TMEM181: variants seen among roughly 807,000 people sequenced by gnomAD.
TMEM181 encodes transmembrane protein 181.
Under a neutral mutation model 71.9 loss-of-function variants are expected in TMEM181, and 39 were observed. The ratio of observed to expected loss-of-function variants is 0.54; its 90% CI spans 0.42 to 0.71. The LOEUF (loss-of-function observed/expected upper bound fraction) is 0.71, where lower values mean the gene tolerates loss of function less well. TMEM181 is among the 30% of genes least tolerant of loss of function. The pLI is 0.00. For synonymous variants in TMEM181, 245 were observed against 228.8 expected, an observed-to-expected ratio of 1.07 and a Z score of -0.64; for missense variants, 595 against 583.0, an observed-to-expected ratio of 1.02 and a Z score of -0.21.
chr6:158,589,583 C>G, intron 5 of TMEM181, 89 bp from the exon 6 acceptor site: 1 of 945,996 alleles, frequency 1.1e-6, no homozygotes, highest in South Asian at 1.4e-5. Context: ...TTCTGCCCAT[C>G]TGCTGTTGAA....
At chr6:158,619,349 C>T (rs933017817) in intron 10 of TMEM181, among the ~76,000 whole-genome samples, 1 of 152,120 alleles carries the variant, frequency 6.6e-6, no homozygotes, top group Non-Finnish European at 1.5e-5. Context: ...TCCATCAGGT[C>T]GTTTAAGGTC....
chr6:158,543,948 G>A (rs142828645), intron 1 of TMEM181, among the ~76,000 whole-genome samples: 2 of 152,308 alleles, frequency 1.3e-5, no homozygotes, highest in East Asian at 3.9e-4. Flanking sequence ...TGATGAACAA[G>A]AGTCAGGAGG....
At chr6:158,541,711 G>A (rs1323082331) in intron 1 of TMEM181, among the ~76,000 whole-genome samples, 1 of 152,052 alleles carries the variant, frequency 6.6e-6, no homozygotes, top group South Asian at 2.1e-4. Flanking sequence ...TTTATTTAAG[G>A]CCAACGTTAT....
rs539342796 is a variant in TMEM181 at position 158,620,907 on chromosome 6, A to T, written c.897-2643A>T. On this transcript the variant is annotated intron_variant, in intron 10 of 16. Transcript: ENST00000684151. The surrounding 1 kb of genome is among the most constrained non-coding windows in gnomAD (Gnocchi z 4.5). ...AGGTTTATTTTGGACAATAAACCTG[A>T]GAGGGCCTTCTGGCCAAGTTAGGTC... Among the ~76,000 whole-genome samples the T allele has an allele frequency of 6.6e-6, 1 of 152,334 alleles. No individual in the cohort carries two copies. The highest frequency in any genetic ancestry group is 1.9e-4 in the East Asian group (1 of 5,178).
At position 158,627,591 on chromosome 6, in the gene TMEM181, C is replaced by T. The variant is rs1347516880; in HGVS notation, c.1110-817C>T. ...AGCCCTGAAAGCTGTGGGGTGGCTG[C>T]CCCAGGCCGCAGAACAGGGCACCGG... On this transcript the variant is annotated intron_variant, in intron 13 of 16. Coordinates refer to ENST00000684151, the MANE Select transcript of TMEM181 (RefSeq NM_001376852.1). Among the ~76,000 whole-genome samples, 11 of 145,248 alleles carry T rather than the reference C, an allele frequency of 7.6e-5. No homozygotes were observed. In the East Asian group the frequency reaches 2.7e-3, roughly 35 times the overall value.
intron 6 of TMEM181, among the ~76,000 whole-genome samples, chr6:158,598,935 A>G (rs1408005112): frequency 3.3e-5 from 5 of 152,168 alleles, no homozygotes; most frequent in African/African-American, 1.2e-4. Context: ...TGCTGGGATT[A>G]CAGGCGTGAG....
At chr6:158,570,802 T>C (rs75807734) in intron 1 of TMEM181, among the ~76,000 whole-genome samples, 4,546 of 152,238 alleles carry the variant, frequency 0.03, 228 homozygotes, top group African/African-American at 0.1. Context: ...AAGGCTTTAT[T>C]TGCATTTCCC....
intron 4 of TMEM181, among the ~76,000 whole-genome samples, chr6:158,584,982 G>A (rs1393982016): frequency 4.6e-5 from 7 of 152,108 alleles, no homozygotes; most frequent in Non-Finnish European, 8.8e-5. Context: ...ATAGAATTTG[G>A]TAAGTTAAAA....
At chr6:158,536,731 CG>C (rs1242010933) in exon 1 of TMEM181, 1 of 1,571,152 alleles carries the variant, frequency 6.4e-7, no homozygotes, top group Non-Finnish European at 8.6e-7. Context: ...GGAGGCTGCG[CG>C]GCATGGACGC....
chr6:158,621,521 G>A lies in TMEM181; in HGVS notation c.897-2029G>A, dbSNP rs117492846. On this transcript the variant is annotated intron_variant, in intron 10 of 16. Coordinates refer to ENST00000684151, the MANE Select transcript of TMEM181 (RefSeq NM_001376852.1). ...CGTCCTGAACCCAACACAGAGCTCT[G>A]AGCTGGCCAGCTGAGGGGGCCACAT... The A allele has an allele frequency of 8.7e-4, 167 of 192,620 alleles. 2 individuals are homozygous for A. In the East Asian group the frequency reaches 0.021, roughly 24 times the overall value. 11.9% of individuals were successfully genotyped at this position (192,620 alleles called of 1,614,324 possible).
chr6:158,547,007 C>T (rs754611494), intron 1 of TMEM181, among the ~76,000 whole-genome samples: 9 of 152,018 alleles, frequency 5.9e-5, no homozygotes, highest in Non-Finnish European at 1.2e-4. Context: ...GCCAGCTGGG[C>T]GCAGTGGCAC....
chr6:158,602,977 G>A (rs1292609317), intron 6 of TMEM181, among the ~76,000 whole-genome samples: 3 of 152,136 alleles, frequency 2.0e-5, no homozygotes, highest in Admixed American at 6.5e-5. Flanking sequence ...CCTTATCTTC[G>A]TCTAATGTAA....
intron 16 of TMEM181, 143 bp downstream of exon 16, chr6:158,631,532 T>C: frequency 1.0e-6 from 1 of 962,512 alleles, no homozygotes; most frequent in South Asian, 1.5e-5. Context: ...CGTGGTTTTC[T>C]GTTTTCACAG....
intron 1 of TMEM181, among the ~76,000 whole-genome samples, chr6:158,537,268 G>A (rs6920736): frequency 1.3e-5 from 2 of 152,052 alleles, no homozygotes; most frequent in African/African-American, 4.8e-5. Context: ...GCAGTCTGGG[G>A]AGGCGACCGC....
At chr6:158,598,895 T>C (rs991705550) in intron 6 of TMEM181, among the ~76,000 whole-genome samples, 5 of 152,192 alleles carry the variant, frequency 3.3e-5, no homozygotes, top group Admixed American at 2.6e-4. Context: ...TCTCCTGACC[T>C]CGTGATCCGC....
At chr6:158,557,451 C>T (rs1054848301), upstream of TMEM181, among the ~76,000 whole-genome samples, 2 of 152,074 alleles carry the variant, frequency 1.3e-5, no homozygotes, top group African/African-American at 4.8e-5. Context: ...GTCCCTTTCC[C>T]CTTTTCATAA....
chr6:158,607,761 C>T (rs183147906), intron 8 of TMEM181, among the ~76,000 whole-genome samples: 4 of 152,318 alleles, frequency 2.6e-5, no homozygotes, highest in Admixed American at 2.0e-4. Context: ...AACATGTAGC[C>T]GTGTGCTCCC....
At chr6:158,545,894 G>A (rs1781512462) in intron 1 of TMEM181, among the ~76,000 whole-genome samples, 1 of 152,130 alleles carries the variant, frequency 6.6e-6, no homozygotes, top group Non-Finnish European at 1.5e-5. Flanking sequence ...TCTGCGCTGT[G>A]TTTGTTCATG....
At chr6:158,630,962 G>A (rs145925719) in intron 15 of TMEM181, among the ~76,000 whole-genome samples, 161 of 152,318 alleles carry the variant, frequency 1.1e-3, no homozygotes, top group African/African-American at 3.4e-3. Context: ...CTCGCTGCAC[G>A]TCCAAGGACT....
Sources: gnomAD v4.1 joint callset for allele counts (sites outside exome capture counted in the v4.1 genomes callset) on GRCh38, gnomAD v4.1.1 for gene constraint, Gnocchi (gnomAD v3.1) non-coding constraint, MANE v1.5 for transcripts, NCBI Gene and HGNC (gene_info 2026-07-23, HGNC 2026-07-21) for gene names.